Variants in TNPO1 observed in about 807,000 individuals in gnomAD.
TNPO1 encodes transportin-1.
A neutral mutation model predicts 119.5 loss-of-function variants in TNPO1; 8 were observed. That is an observed-to-expected ratio of 0.07 (90% CI 0.04 to 0.12). The LOEUF (loss-of-function observed/expected upper bound fraction) is 0.12, where lower values mean the gene tolerates loss of function less well. TNPO1 is among the 10% of genes least tolerant of loss of function. The probability of loss-of-function intolerance (pLI) is 1.00; values close to 1 mark genes in which losing one functional copy is unlikely to be tolerated. For missense variants in TNPO1, 576 were observed against 1,089.8 expected (o/e 0.53, Z 6.64); for synonymous variants, 362 against 363.0 (o/e 1.00, Z 0.03).
intron 1 of TNPO1, among the ~76,000 whole-genome samples, chr5:72,842,904 C>T (rs541356642): frequency 1.1e-4 from 17 of 152,148 alleles, no homozygotes; most frequent in African/African-American, 3.9e-4. Context: ...TGAGGTCCTC[C>T]TAGCCTCACT....
chr5:72,903,064 G>A, intron 22 of TNPO1, among the ~76,000 whole-genome samples: 1 of 152,130 alleles, frequency 6.6e-6, no homozygotes, highest in Non-Finnish European at 1.5e-5. Context: ...GCAAGATTGA[G>A]AATATTTTAA....
Position 72,875,638 on chromosome 5 carries a change from T to C in TNPO1, c.702T>C (p.Asp234=). 6.2e-7 allele frequency: 1 copy of C among 1,613,256 alleles called. No individual in the cohort carries two copies. The change falls in exon 8 of 25, where the codon GAT becomes GAC. Residue 234 remains aspartate, a synonymous_variant. Transcript: ENST00000337273. The stretch of plus-strand genomic sequence containing the variant: ...AGAATCTCTTTGCATTAGCTGGTGA[T>C]GAAGAACCAGAGGTACGGAAAAATG... The part of the protein sequence containing the change: ...FIENLFALAG[D]EEPEVRKNVC...
chr5:72,824,626 C>G (rs145135131), intron 1 of TNPO1, among the ~76,000 whole-genome samples: 38 of 152,334 alleles, frequency 2.5e-4, no homozygotes, highest in Middle Eastern at 6.8e-3. Flanking sequence ...AGTGCTGGTC[C>G]TTGTAATTCT....
At chr5:72,852,552 G>A (rs1177616656) in intron 3 of TNPO1, among the ~76,000 whole-genome samples, 15 of 152,198 alleles carry the variant, frequency 9.9e-5, no homozygotes, top group Admixed American at 8.5e-4. Context: ...TCAGTGATTA[G>A]TGTTTTAGAA....
Position 72,893,368 on chromosome 5 carries a change from T to A in TNPO1, c.1897-9T>A. ...CCAAACTTACAAAAAACATTGTGTC[T>A]AATTTCAGCTAAACAATGCTCAACC... is the stretch of plus-strand genomic sequence containing the variant. On this transcript the variant is annotated splice_polypyrimidine_tract_variant and intron_variant, in intron 16 of 24. Coordinates refer to ENST00000337273, the MANE Select transcript of TNPO1 (RefSeq NM_002270.4). The A allele has an allele frequency of 6.2e-7, 1 of 1,611,420 alleles. No homozygotes were observed. The highest frequency in any genetic ancestry group is 1.3e-5 in the African/African-American group (1 of 74,780).
rs1278439280 is a variant in TNPO1 at position 72,883,113 on chromosome 5, G to A, written c.1031G>A (p.Arg344Gln). 2.5e-6 allele frequency: 4 copies of A among 1,613,910 alleles called. No individual in the cohort carries two copies. The highest frequency in any genetic ancestry group is 3.4e-6 in the Non-Finnish European group (4 of 1,180,024). Residue 344 changes from arginine (R) to glutamine (Q), a missense_variant, in exon 11 of 25, where the codon CGG becomes CAG. Arg to Gln is a conservative substitution (Grantham distance 43, BLOSUM62 1). This residue lies in a region of TNPO1 where 310 missense variants were observed against 583.0 expected (regional missense o/e 0.53). Transcript: ENST00000337273. The part of the protein sequence containing the change: ...ETIPDSEQDI[R>Q]PRFHRSRTVA... ...ATTCCTGATAGTGAACAGGATATAC[G>A]GCCACGTTTTCACCGATCGAGGACG...
intron 1 of TNPO1, among the ~76,000 whole-genome samples, chr5:72,828,000 C>T (rs575706506): frequency 6.6e-5 from 10 of 151,914 alleles, no homozygotes; most frequent in East Asian, 1.9e-4. Context: ...TCTTGTCAGA[C>T]GTTGGATACT....
intron 1 of TNPO1, among the ~76,000 whole-genome samples, chr5:72,831,499 G>A (rs936060993): frequency 5.5e-4 from 84 of 151,738 alleles, no homozygotes; most frequent in African/African-American, 2.0e-3. Flanking sequence ...TTTTTACTTA[G>A]TATTTTGTAG....
chr5:72,856,873 TAATA>T (rs1420770306), intron 4 of TNPO1, among the ~76,000 whole-genome samples: 3 of 152,292 alleles, frequency 2.0e-5, no homozygotes, highest in Non-Finnish European at 4.4e-5. Context: ...ATGGAAGCAG[TAATA>T]AATAGCCATA....
intron 1 of TNPO1, among the ~76,000 whole-genome samples, chr5:72,841,581 C>G (rs1007240646): frequency 6.6e-6 from 1 of 151,972 alleles, no homozygotes; most frequent in African/African-American, 2.4e-5. Flanking sequence ...CCTTGTGATC[C>G]GCCCGCCTCG....
chr5:72,891,705 G>A (rs1749072522), intron 14 of TNPO1, 105 bp from the exon 15 acceptor site: 1 of 829,178 alleles, frequency 1.2e-6, no homozygotes, highest in East Asian at 2.5e-5. Context: ...CTTTTGTAAT[G>A]ATTTTACACA....
In TNPO1 at chr5:72,824,963, C is replaced by G. The variant is rs138377659; in HGVS notation, c.15+8211C>G. ...TCTCCCATTTCTGTCAGTGGCAACT[C>G]CGTCCTCCTGTAGCTCAGACCAAAA... is the stretch of plus-strand genomic sequence containing the variant. On this transcript the variant is annotated intron_variant, in intron 1 of 24. Transcript: ENST00000337273. 2.2e-4 allele frequency among the ~76,000 whole-genome samples: 34 copies of G among 152,342 alleles called. No individual in the cohort carries two copies. The East Asian group carries it at 6.6e-3, about 29-fold the overall frequency.
Position 72,912,057 on chromosome 5 carries a change from G to T in TNPO1, c.*3384G>T, listed in dbSNP as rs868050618. On this transcript the variant is annotated 3_prime_UTR_variant, in exon 25 of 25. Transcript: ENST00000337273. ...TTTTGTATTGTCTAATCTCTTCAAT[G>T]ACTTCATACTGTGTAAAAAAAAATC... is the stretch of plus-strand genomic sequence containing the variant. 8 of 152,198 alleles carry T rather than the reference G, an allele frequency of 5.3e-5. No individual in the cohort carries two copies. Among genetic ancestry groups the T allele is most frequent in the African/African-American group, 1.9e-4 (8 of 41,188 alleles). 9.4% of individuals were successfully genotyped at this position (152,198 alleles called of 1,614,324 possible). A position where few individuals can be genotyped will look rare whatever the true frequency, so the allele number is the denominator to read the frequency against.
At chr5:72,862,033 ACCT>A in intron 5 of TNPO1, 119 bp downstream of exon 5, 2 of 623,458 alleles carry the variant, frequency 3.2e-6, no homozygotes, top group East Asian at 5.7e-5. Context: ...AAACTTAGAA[ACCT>A]AAAGTTACCT....
intron 20 of TNPO1, 54 bp from the exon 21 acceptor site, chr5:72,899,952 G>C: frequency 1.4e-6 from 2 of 1,414,356 alleles, no homozygotes; most frequent in Admixed American, 3.6e-5. Flanking sequence ...CCCCTCATTT[G>C]CTCATGTCTT....
At chr5:72,849,547 AT>A (rs1439361469) in intron 2 of TNPO1, among the ~76,000 whole-genome samples, 4 of 152,178 alleles carry the variant, frequency 2.6e-5, no homozygotes, top group Non-Finnish European at 5.9e-5. Flanking sequence ...AGATGAAGTT[AT>A]TTACCCCGAG....
chr5:72,840,672 T>C (rs1016777207), intron 1 of TNPO1, among the ~76,000 whole-genome samples: 1 of 152,150 alleles, frequency 6.6e-6, no homozygotes, highest in African/African-American at 2.4e-5. Context: ...TTCCTTCTTA[T>C]CACTCAATTT....
At chr5:72,831,540 T>C (rs1744468744) in intron 1 of TNPO1, among the ~76,000 whole-genome samples, 1 of 152,006 alleles carries the variant, frequency 6.6e-6, no homozygotes, top group Non-Finnish European at 1.5e-5. Flanking sequence ...TTTCATATTA[T>C]TAACATATTA....
chr5:72,892,008 G>T, intron 15 of TNPO1, 112 bp downstream of exon 15: 1 of 757,230 alleles, frequency 1.3e-6, no homozygotes, highest in East Asian at 2.6e-5. Flanking sequence ...AGTAGACGGA[G>T]GAAATTATAT....
Sources: gnomAD v4.1 joint callset for allele counts (sites outside exome capture counted in the v4.1 genomes callset) on GRCh38, gnomAD v4.1.1 for gene constraint, gnomAD v4.1.1 regional missense constraint, MANE v1.5 for transcripts, NCBI Gene and HGNC (gene_info 2026-07-23, HGNC 2026-07-21) for gene names.